Variants in CHCHD3 observed in about 807,000 individuals in gnomAD.
CHCHD3 encodes the protein MICOS complex subunit MIC19.
CHCHD3 carries 20 observed loss-of-function variants against 38.2 expected under a neutral mutation model. That is an observed-to-expected ratio of 0.52 (90% CI 0.37 to 0.76). The LOEUF (loss-of-function observed/expected upper bound fraction) is 0.76, where lower values mean the gene tolerates loss of function less well. CHCHD3 is among the 30% of genes least tolerant of loss of function. The probability of loss-of-function intolerance (pLI) is 0.00; values close to 1 mark genes in which losing one functional copy is unlikely to be tolerated. For missense variants in CHCHD3, 245 were observed against 279.2 expected, an observed-to-expected ratio of 0.88 and a Z score of 0.87; for synonymous variants, 82 against 100.0, an observed-to-expected ratio of 0.82 and a Z score of 1.07.
chr7:133,030,703 T>C (rs927647692), intron 2 of CHCHD3, among the ~76,000 whole-genome samples: 7 of 152,268 alleles, frequency 4.6e-5, no homozygotes, highest in African/African-American at 1.7e-4. Context: ...GTATAGTCTG[T>C]ACTTTTTAAA....
At chr7:133,003,269 C>T (rs558675178) in intron 3 of CHCHD3, among the ~76,000 whole-genome samples, 21 of 152,278 alleles carry the variant, frequency 1.4e-4, no homozygotes, top group African/African-American at 4.6e-4. Flanking sequence ...TCCCTTAAGA[C>T]TCATGTTTAC....
rs1809612952 is a variant in CHCHD3 at position 132,899,573 on chromosome 7, G to A, written c.370-13828C>T. ...AACCAGCAGAGAATGAGGTTTACAT[G>A]TGTTTGTATGTATCAGTTCCCTTTA... On this transcript the variant is annotated intron_variant, in intron 4 of 7. Transcript: ENST00000262570. 2.0e-5 allele frequency among the ~76,000 whole-genome samples: 3 copies of A among 152,346 alleles called. No individual in the cohort carries two copies. The South Asian group carries it at 6.2e-4, about 32-fold the overall frequency.
intron 6 of CHCHD3, among the ~76,000 whole-genome samples, chr7:132,836,095 A>G (rs1304780228): frequency 2.0e-5 from 3 of 151,734 alleles, no homozygotes; most frequent in Admixed American, 2.0e-4. Context: ...TAATACACCA[A>G]CCAATCACAA....
intron 3 of CHCHD3, chr7:133,022,385 T>C (rs1813206772): frequency 6.6e-6 from 3 of 456,548 alleles, no homozygotes; most frequent in Admixed American, 4.7e-5. Flanking sequence ...TAAATCTCGA[T>C]TCAATTCAGG....
intron 4 of CHCHD3, among the ~76,000 whole-genome samples, chr7:132,901,083 A>T (rs1809653684): frequency 6.6e-6 from 1 of 152,222 alleles, no homozygotes; most frequent in Non-Finnish European, 1.5e-5. Flanking sequence ...ATCTTCCACA[A>T]TGGGTCACTG....
At chr7:132,950,895 T>G (rs1243290668) in intron 4 of CHCHD3, among the ~76,000 whole-genome samples, 1 of 152,180 alleles carries the variant, frequency 6.6e-6, no homozygotes, top group African/African-American at 2.4e-5. Flanking sequence ...GTAGAAATTA[T>G]TTTGAAAAGA....
intron 4 of CHCHD3, among the ~76,000 whole-genome samples, chr7:132,894,874 G>A (rs1047944666): frequency 6.6e-6 from 1 of 152,220 alleles, no homozygotes; most frequent in Non-Finnish European, 1.5e-5. Context: ...GGTGCTGCCA[G>A]CATGTTACTC....
At chr7:133,004,205 G>A (rs1013288901) in intron 3 of CHCHD3, among the ~76,000 whole-genome samples, 11 of 152,006 alleles carry the variant, frequency 7.2e-5, no homozygotes, top group African/African-American at 2.4e-4. Flanking sequence ...CAGGTGATCT[G>A]CCTGCCTCAG....
At chr7:132,855,796 AC>A (rs1808331090) in intron 5 of CHCHD3, among the ~76,000 whole-genome samples, 1 of 149,750 alleles carries the variant, frequency 6.7e-6, no homozygotes, top group African/African-American at 2.5e-5. Context: ...TAAAAGTTTT[AC>A]CCCTCAACTG....
At chr7:132,813,801 G>C (rs1807134157) in intron 6 of CHCHD3, among the ~76,000 whole-genome samples, 1 of 152,180 alleles carries the variant, frequency 6.6e-6, no homozygotes, top group Non-Finnish European at 1.5e-5. Flanking sequence ...AAAGAGGAGG[G>C]CTGCTGCATG....
chr7:132,994,536 T>C (rs1013401787), intron 3 of CHCHD3, among the ~76,000 whole-genome samples: 3 of 152,308 alleles, frequency 2.0e-5, no homozygotes, highest in Middle Eastern at 3.4e-3. Flanking sequence ...AATGAAGTTA[T>C]ATGAGAAAAC....
intron 4 of CHCHD3, among the ~76,000 whole-genome samples, chr7:132,929,566 A>G (rs911059851): frequency 6.6e-5 from 10 of 152,302 alleles, no homozygotes; most frequent in African/African-American, 1.9e-4. Flanking sequence ...AGTTCCAGAC[A>G]TATGTTTCCA....
At chr7:133,050,340 TAAAAAAA>T (rs35635002) in intron 2 of CHCHD3, among the ~76,000 whole-genome samples, 14 of 31,840 alleles carry the variant, frequency 4.4e-4, no homozygotes, top group African/African-American at 1.3e-3. Context: ...GGCTGTGTCT[TAAAAAAA>T]AAAAAAAAAA....
chr7:132,919,624 G>A (rs994231167), intron 4 of CHCHD3, among the ~76,000 whole-genome samples: 2 of 152,136 alleles, frequency 1.3e-5, no homozygotes, highest in South Asian at 4.1e-4. Flanking sequence ...TGAAACACAA[G>A]GCATACTGCT....
chr7:132,988,072 T>A (rs1374771047), intron 3 of CHCHD3, among the ~76,000 whole-genome samples: 2 of 152,188 alleles, frequency 1.3e-5, no homozygotes, highest in East Asian at 3.8e-4. Context: ...AGGCTTCCGG[T>A]CAATAGATGA....
chr7:132,937,742 G>A (rs183691145), intron 4 of CHCHD3, among the ~76,000 whole-genome samples: 7 of 152,274 alleles, frequency 4.6e-5, no homozygotes, highest in Middle Eastern at 3.4e-3. Context: ...CTGGCAATTA[G>A]CAGTGTTAGT....
At chr7:133,046,730 T>C (rs1328029677) in intron 2 of CHCHD3, among the ~76,000 whole-genome samples, 1 of 152,076 alleles carries the variant, frequency 6.6e-6, no homozygotes, top group Admixed American at 6.5e-5. Context: ...ACCCGGCTAA[T>C]TTTTTGTGTT....
At chr7:132,826,077 T>C (rs1807501154) in intron 6 of CHCHD3, among the ~76,000 whole-genome samples, 1 of 152,202 alleles carries the variant, frequency 6.6e-6, no homozygotes. Context: ...ATCTCTCACA[T>C]AGTCAGCTTT....
chr7:132,995,008 T>C (rs1812377849), intron 3 of CHCHD3, among the ~76,000 whole-genome samples: 1 of 152,222 alleles, frequency 6.6e-6, no homozygotes, highest in East Asian at 1.9e-4. Flanking sequence ...GTTTTATTTC[T>C]AGTATTCCCT....
Sources: allele counts gnomAD v4.1 joint callset (sites outside exome capture counted in the v4.1 genomes callset), GRCh38; gene constraint gnomAD v4.1.1; transcripts MANE v1.5; gene names NCBI Gene and HGNC (gene_info 2026-07-23, HGNC 2026-07-21).